The following PRIM2 variants were observed in gnomAD, a reference collection of about 807,000 sequenced individuals.
The protein encoded by PRIM2 is DNA primase subunit 2, also known as DNA primase large subunit.
In PRIM2, 39 loss-of-function variants were observed where a neutral mutation model predicts 67.3. That is an observed-to-expected ratio of 0.58 (90% CI 0.45 to 0.76). The LOEUF is 0.76. Among genes scored for constraint, PRIM2 ranks in the 30% least tolerant of loss-of-function variants. The pLI is 0.00. For synonymous variants in PRIM2, 143 were observed against 198.7 expected (o/e 0.72, Z 2.36); for missense variants, 398 against 598.7 (o/e 0.66, Z 3.50).
chr6:57,619,253 T>C (rs1283363528), intron 12 of PRIM2, among the ~76,000 whole-genome samples: 15 of 152,132 alleles, frequency 9.9e-5, no homozygotes, highest in Non-Finnish European at 1.8e-4. Flanking sequence ...CCCTGTGCAC[T>C]AGAATCTGAA....
At chr6:57,387,207 TTGAGAG>T (rs1172574796) in intron 7 of PRIM2, among the ~76,000 whole-genome samples, 35 of 152,208 alleles carry the variant, frequency 2.3e-4, no homozygotes, top group Non-Finnish European at 1.5e-5. Flanking sequence ...TGTAAGTTCT[TTGAGAG>T]TGAGGAATTT....
At chr6:57,467,296 T>A (rs1423911115) in intron 7 of PRIM2, among the ~76,000 whole-genome samples, 1 of 151,680 alleles carries the variant, frequency 6.6e-6, no homozygotes, top group African/African-American at 2.4e-5. Context: ...TTGAGTTAAT[T>A]TTTGTGAAAG....
chr6:57,378,651 G>C (rs1349779047), intron 5 of PRIM2, among the ~76,000 whole-genome samples: 1 of 152,080 alleles, frequency 6.6e-6, no homozygotes, highest in East Asian at 1.9e-4. Flanking sequence ...CTGGGCATTT[G>C]AATCAGGTAC....
the PRIM2 span, among the ~76,000 whole-genome samples, chr6:57,222,980 G>C: frequency 6.6e-6 from 1 of 152,116 alleles, no homozygotes; most frequent in African/African-American, 2.4e-5. Context: ...TAGGGTGCAC[G>C]GACAGGCAGG....
At chr6:57,336,377 C>T (rs556145017) in intron 5 of PRIM2, among the ~76,000 whole-genome samples, 5 of 151,930 alleles carry the variant, frequency 3.3e-5, no homozygotes, top group South Asian at 4.2e-4. Context: ...AGATACTCCT[C>T]GAGAAGAGCA....
At chr6:57,332,312 C>T (rs1768079412) in intron 5 of PRIM2, among the ~76,000 whole-genome samples, 1 of 151,752 alleles carries the variant, frequency 6.6e-6, no homozygotes, top group Non-Finnish European at 1.5e-5. Flanking sequence ...GAGGATGTTC[C>T]ATGTGTGCTT....
At chr6:57,358,816 T>A (rs1404883053) in intron 5 of PRIM2, among the ~76,000 whole-genome samples, 5 of 152,202 alleles carry the variant, frequency 3.3e-5, no homozygotes, top group African/African-American at 1.2e-4. Context: ...ATGTTTTGCC[T>A]CCCAGGAGAT....
At chr6:57,290,880 T>A in the PRIM2 span, among the ~76,000 whole-genome samples, 1 of 152,172 alleles carries the variant, frequency 6.6e-6, no homozygotes, top group Non-Finnish European at 1.5e-5. Context: ...TAACACTAAA[T>A]GCCCACAAGA....
chr6:57,554,305 AT>A (rs1775465120), intron 10 of PRIM2, among the ~76,000 whole-genome samples: 2 of 146,450 alleles, frequency 1.4e-5, no homozygotes, highest in African/African-American at 5.1e-5. Context: ...GCTTTATGTG[AT>A]TTTTTAAAAG....
chr6:57,606,438 C>T lies in PRIM2; in HGVS notation c.1211C>T (p.Ser404Phe), dbSNP rs1311107423. The change falls in exon 12 of 14, where the codon TCT (serine) becomes TTT (phenylalanine). Residue 404 changes from serine to phenylalanine, a missense_variant. By Grantham distance (155) the Ser-to-Phe change is radical (BLOSUM62 -2). Transcript: ENST00000615550. ...CAAAAGTTGCAGTCATACAAGATCT[C>T]TCCTGGAGGGATAAGCCAGGTAGGT... ...LKQKLQSYKISPGGISQILDL... is the reference protein window; with the variant it reads ...LKQKLQSYKIFPGGISQILDL... The T allele has an allele frequency of 1.3e-6, 2 of 1,593,432 alleles. No homozygotes were observed. The highest frequency in any genetic ancestry group is 1.3e-5 in the African/African-American group (1 of 74,528).
intron 7 of PRIM2, among the ~76,000 whole-genome samples, chr6:57,503,690 A>C (rs1774191497): frequency 6.6e-6 from 1 of 151,880 alleles, no homozygotes; most frequent in South Asian, 2.1e-4. Context: ...CGGAGGTTGG[A>C]GGTTGCAGTG....
At chr6:57,315,073 A>C (rs921557290), upstream of PRIM2, among the ~76,000 whole-genome samples, 1 of 152,240 alleles carries the variant, frequency 6.6e-6, no homozygotes, top group African/African-American at 2.4e-5. Flanking sequence ...TATGTTAAGC[A>C]TGAACATATA....
chr6:57,447,027 A>G (rs1325041517), intron 7 of PRIM2, among the ~76,000 whole-genome samples: 1 of 152,208 alleles, frequency 6.6e-6, no homozygotes, highest in Non-Finnish European at 1.5e-5. Context: ...CACTGATAGC[A>G]CTTTCATGAG....
chr6:57,588,820 G>A (rs2127487712), intron 10 of PRIM2, among the ~76,000 whole-genome samples: 1 of 152,186 alleles, frequency 6.6e-6, no homozygotes, highest in African/African-American at 2.4e-5. Flanking sequence ...TGGAGGTCTG[G>A]CCTGAAACTA....
intron 7 of PRIM2, among the ~76,000 whole-genome samples, chr6:57,418,974 T>TG (rs1349473777): frequency 3.9e-5 from 6 of 152,168 alleles, no homozygotes; most frequent in Admixed American, 3.9e-4. Flanking sequence ...TTAATTATTT[T>TG]GGGGTACATT....
chr6:57,381,305 A>AG (rs1426236977), intron 6 of PRIM2, among the ~76,000 whole-genome samples: 5 of 152,234 alleles, frequency 3.3e-5, no homozygotes, highest in Admixed American at 3.3e-4. Context: ...TTGAATGAAT[A>AG]GGCAATTTGG....
At chr6:57,642,435 C>CTTTTTTTT (rs1156576933) in intron 13 of PRIM2, among the ~76,000 whole-genome samples, 1,060 of 83,100 alleles carry the variant, frequency 0.013, 73 homozygotes, top group Middle Eastern at 0.017. Flanking sequence ...AATATTATAT[C>CTTTTTTTT]TTTTTTTTTT....
intron 10 of PRIM2, among the ~76,000 whole-genome samples, chr6:57,540,835 C>T (rs2127471384): frequency 6.6e-6 from 1 of 152,346 alleles, no homozygotes; most frequent in East Asian, 1.9e-4. Context: ...TAGCCCCACC[C>T]TGTTGCTACT....
At chr6:57,569,636 A>C (rs1775823328) in intron 10 of PRIM2, among the ~76,000 whole-genome samples, 3 of 152,178 alleles carry the variant, frequency 2.0e-5, no homozygotes, top group Admixed American at 6.5e-5. Context: ...TTGAACATAA[A>C]CTTGTAGAAG....
Sources: allele counts gnomAD v4.1 joint callset (sites outside exome capture counted in the v4.1 genomes callset), GRCh38; gene constraint gnomAD v4.1.1; transcripts MANE v1.5; gene names NCBI Gene and HGNC (gene_info 2026-07-23, HGNC 2026-07-21).